OGDHL: variants seen among roughly 807,000 people sequenced by gnomAD.
The protein encoded by OGDHL is oxoglutarate dehydrogenase L, also known as 2-oxoglutarate dehydrogenase-like, mitochondrial.
Under a neutral mutation model 109.6 loss-of-function variants are expected in OGDHL, and 79 were observed. That is an observed-to-expected ratio of 0.72 (90% CI 0.60 to 0.87). OGDHL has a LOEUF of 0.87. Ranked by LOEUF, OGDHL falls within the 40% of genes least tolerant of loss-of-function variation. OGDHL has a pLI of 0.00. For synonymous variants in OGDHL, 528 were observed against 537.2 expected, an observed-to-expected ratio of 0.98 and a Z score of 0.24; for missense variants, 1,275 against 1,362.2, an observed-to-expected ratio of 0.94 and a Z score of 1.01.
chr10:49,742,519 C>A (rs1263112098), intron 15 of OGDHL, among the ~76,000 whole-genome samples: 3 of 140,462 alleles, frequency 2.1e-5, no homozygotes, highest in Non-Finnish European at 4.7e-5. Flanking sequence ...ACATACACAC[C>A]AAACACACCA....
At chr10:49,759,392 C>T (rs1843127101) in intron 1 of OGDHL, among the ~76,000 whole-genome samples, 1 of 152,028 alleles carries the variant, frequency 6.6e-6, no homozygotes, top group African/African-American at 2.4e-5. Flanking sequence ...GAAGCCCACC[C>T]AGACCACGGG....
chr10:49,735,994 G>A, intron 22 of OGDHL, 29 bp downstream of exon 22: 1 of 1,541,710 alleles, frequency 6.5e-7, no homozygotes, highest in Admixed American at 2.0e-5. Context: ...GGGCCGAGGT[G>A]AGGGGCAATC....
chr10:49,748,616 T>C (rs1432688669), intron 8 of OGDHL, among the ~76,000 whole-genome samples: 3 of 152,182 alleles, frequency 2.0e-5, no homozygotes, highest in Non-Finnish European at 4.4e-5. Context: ...ATTGCAACCA[T>C]TCTCGGGCAT....
chr10:49,757,080 G>C, intron 2 of OGDHL, 134 bp from the exon 3 acceptor site: 1 of 780,760 alleles, frequency 1.3e-6, no homozygotes, highest in Non-Finnish European at 2.0e-6. Context: ...AGGGTGCCTA[G>C]ATGTACATAC....
rs760969599 is a variant in OGDHL at position 49,744,039 on chromosome 10, T to A, written c.1816A>T (p.Ser606Cys). 3 of 1,614,022 alleles carry A rather than the reference T, an allele frequency of 1.9e-6. No individual in the cohort carries two copies. The East Asian group carries it at 6.7e-5, about 36-fold the overall frequency. ...TCCAGGGGCACAGAGCTGGCCACACTGCCGATGTGGGTGAGCATGTCCTCA... is the reference window on the plus strand; with the variant it reads ...TCCAGGGGCACAGAGCTGGCCACACAGCCGATGTGGGTGAGCATGTCCTCA... ...IPEDMLTHIG[S>C]VASSVPLEDF... The change falls in exon 14 of 23, where the codon AGT becomes TGT. Residue 606 changes from serine (S) to cysteine (C), a missense_variant. Transcript: ENST00000374103.
rs572156278 is a variant in OGDHL, at chr10:49,743,647, C to A, written c.1861+347G>T. On this transcript the variant is annotated intron_variant, in intron 14 of 22. Coordinates refer to ENST00000374103, the MANE Select transcript of OGDHL (RefSeq NM_018245.3). ...CAGCTGCAGAATTCTGCCCACGTTCCAGGCTGCGTTCCAGCCCCTGTATGG... is the reference window on the plus strand; with the variant it reads ...CAGCTGCAGAATTCTGCCCACGTTCAAGGCTGCGTTCCAGCCCCTGTATGG... 4 of 195,712 alleles carry A rather than the reference C, an allele frequency of 2.0e-5. No individual in the cohort carries two copies. The Admixed American group carries it at 2.2e-4, about 11-fold the overall frequency. 12.1% of individuals were successfully genotyped at this position (195,712 alleles called of 1,614,324 possible). A position where few individuals can be genotyped will look rare whatever the true frequency, so the allele number is the denominator to read the frequency against.
At chr10:49,740,011 G>A (rs971920794) in intron 16 of OGDHL, among the ~76,000 whole-genome samples, 172 bp from the exon 17 acceptor site, 4 of 152,146 alleles carry the variant, frequency 2.6e-5, no homozygotes, top group Non-Finnish European at 5.9e-5. Flanking sequence ...CCATCCTGGG[G>A]GCTGACAACA....
rs1406232163 is a variant in OGDHL, at chr10:49,756,963, C to T, written c.205-17G>A. ...GTCCCAGGACTAGGCAGGGCAGAAA[C>T]AAGAACGCAGCCAGGTCAGGGCCTG... On this transcript the variant is annotated splice_polypyrimidine_tract_variant and intron_variant, in intron 2 of 22. Transcript: ENST00000374103. 1.9e-6 allele frequency: 3 copies of T among 1,607,052 alleles called. No homozygotes were observed. The highest frequency in any genetic ancestry group is 2.7e-5 in the African/African-American group (2 of 74,954).
At chr10:49,755,666 A>G (rs1842874217) in intron 3 of OGDHL, among the ~76,000 whole-genome samples, 1 of 152,184 alleles carries the variant, frequency 6.6e-6, no homozygotes, top group African/African-American at 2.4e-5. Flanking sequence ...CACCAGGCAC[A>G]ACAGAGTAAC....
At chr10:49,742,087 CCACA>C (rs758924732) in intron 15 of OGDHL, among the ~76,000 whole-genome samples, 41 of 135,524 alleles carry the variant, frequency 3.0e-4, no homozygotes, top group Middle Eastern at 7.9e-3. Flanking sequence ...CCCACACATA[CCACA>C]CAAACACCCT....
intron 3 of OGDHL, 47 bp downstream of exon 3, chr10:49,756,729 C>T: frequency 6.4e-7 from 1 of 1,568,364 alleles, no homozygotes; most frequent in Non-Finnish European, 8.7e-7. Flanking sequence ...TGGCCACACC[C>T]CAGGAGCCAG....
Position 49,745,959 on chromosome 10 carries a change from G to A in OGDHL, c.1315C>T (p.Pro439Ser). The change falls in exon 11 of 23, where the codon CCC becomes TCC. Residue 439 changes from proline (P) to serine (S), a missense_variant. Transcript: ENST00000374103. ...TATGGTGAGGAGCGGGCCATTCGGG[G>A]GTCTGTGGTGAATCCAATCTGCAGA... The part of the protein sequence containing the change: ...VNNQIGFTTD[P>S]RMARSSPYPT... The A allele has an allele frequency of 6.2e-7, 1 of 1,614,116 alleles. No homozygotes were observed. The highest frequency in any genetic ancestry group is 1.1e-5 in the South Asian group (1 of 91,070).
At chr10:49,735,780 A>G (rs1395658002) in intron 22 of OGDHL, among the ~76,000 whole-genome samples, 1 of 152,222 alleles carries the variant, frequency 6.6e-6, no homozygotes, top group African/African-American at 2.4e-5. Context: ...TGCAGGGACT[A>G]AGGCTCCAAG....
At position 49,738,222 on chromosome 10, in the gene OGDHL, T is replaced by C; in HGVS notation, c.2360A>G (p.Gln787Arg). The change falls in exon 18 of 23, where the codon CAG becomes CGG. Residue 787 changes from glutamine to arginine, a missense_variant. Physicochemically the swap from Gln to Arg is conservative, Grantham distance 43 (BLOSUM62 1). Transcript: ENST00000374103. Reference protein sequence around the residue: ...HSSARPERFLQMSNDDSDAYP... With the variant: ...HSSARPERFLRMSNDDSDAYP... ...GGCATCCGAGTCATCATTGCTCATC[T>C]GCAGGAACCTTTCGGGCCTCGCTGA... 1 of 1,613,926 alleles carries C rather than the reference T, an allele frequency of 6.2e-7. No homozygotes were observed. Among genetic ancestry groups the C allele is most frequent in the Non-Finnish European group, 8.5e-7 (1 of 1,180,024 alleles).
intron 3 of OGDHL, among the ~76,000 whole-genome samples, chr10:49,754,364 A>G (rs926464448): frequency 3.3e-5 from 5 of 152,228 alleles, no homozygotes; most frequent in African/African-American, 9.6e-5. Flanking sequence ...TCCAAAAAAA[A>G]GAAGATAAAC....
intron 13 of OGDHL, 122 bp from the exon 14 acceptor site, chr10:49,744,244 A>C: frequency 7.8e-7 from 1 of 1,287,950 alleles, no homozygotes; most frequent in Non-Finnish European, 1.1e-6. Flanking sequence ...ACTCGGACTC[A>C]CCCTGAGCCC....
chr10:49,754,990 TC>T (rs1842832119), intron 3 of OGDHL, among the ~76,000 whole-genome samples: 1 of 152,200 alleles, frequency 6.6e-6, no homozygotes, highest in Admixed American at 6.5e-5. Flanking sequence ...CACGCTGTAA[TC>T]CCAGCACTTT....
chr10:49,751,267 G>C (rs563609968), intron 6 of OGDHL, among the ~76,000 whole-genome samples: 22 of 152,090 alleles, frequency 1.4e-4, no homozygotes, highest in African/African-American at 5.3e-4. Context: ...TCATAGCCAA[G>C]CTCCTCCAAC....
intron 18 of OGDHL, 51 bp downstream of exon 18, chr10:49,738,140 T>C (rs1230019901): frequency 2.5e-6 from 4 of 1,614,114 alleles, no homozygotes; most frequent in Non-Finnish European, 3.4e-6. Flanking sequence ...CCCCTAGCCC[T>C]GTGGGCACAA....
Sources: allele counts gnomAD v4.1 joint callset (sites outside exome capture counted in the v4.1 genomes callset), GRCh38; gene constraint gnomAD v4.1.1; transcripts MANE v1.5; gene names NCBI Gene and HGNC (gene_info 2026-07-23, HGNC 2026-07-21).